ZFPM1: variants seen among roughly 807,000 people sequenced by gnomAD.
ZFPM1 encodes zinc finger protein, FOG family member 1, also known as zinc finger protein ZFPM1.
ZFPM1 carries 28 observed loss-of-function variants against 46.3 expected under a neutral mutation model. The observed-to-expected ratio is 0.60, with a 90% CI of 0.45 to 0.83. ZFPM1 has a LOEUF of 0.83. Ranked by LOEUF, ZFPM1 falls within the 40% of genes least tolerant of loss-of-function variation. The pLI, the probability that ZFPM1 is intolerant of heterozygous loss-of-function variation, is 0.00. For missense variants in ZFPM1, 1,878 were observed against 1,432.4 expected, an observed-to-expected ratio of 1.31 and a Z score of -5.02; for synonymous variants, 957 against 675.9, an observed-to-expected ratio of 1.42 and a Z score of -6.45.
At chr16:88,517,949 G>A (rs900915685) in intron 4 of ZFPM1, among the ~76,000 whole-genome samples, 5 of 152,056 alleles carry the variant, frequency 3.3e-5, no homozygotes, top group African/African-American at 1.2e-4. Context: ...AGTGGCTCAT[G>A]CCTGTAATCC....
chr16:88,532,949 T>G lies in ZFPM1; in HGVS notation c.1189+14T>G. On this transcript the variant is annotated intron_variant, in intron 9 of 9. Transcript: ENST00000319555. ...AGCTGCCCCCAGGTGAGCAGCCCTG[T>G]GGGGGCCACCCCTGCCCCTTAGGCC... 2 of 1,612,560 alleles carry G rather than the reference T, an allele frequency of 1.2e-6. No homozygotes were observed. Among genetic ancestry groups the G allele is most frequent in the Non-Finnish European group, 1.7e-6 (2 of 1,179,844 alleles).
intron 4 of ZFPM1, among the ~76,000 whole-genome samples, chr16:88,524,517 C>T (rs1912161956): frequency 6.6e-6 from 1 of 152,242 alleles, no homozygotes; most frequent in African/African-American, 2.4e-5. Flanking sequence ...GGCAGCCACT[C>T]ACCACAGTGG....
intron 3 of ZFPM1, among the ~76,000 whole-genome samples, chr16:88,501,352 G>A (rs368891762): frequency 1.2e-4 from 14 of 114,346 alleles, no homozygotes; most frequent in African/African-American, 2.1e-4. Flanking sequence ...TCCCGCAGGT[G>A]CTGGTGATGA....
intron 4 of ZFPM1, among the ~76,000 whole-genome samples, chr16:88,524,701 G>A (rs1028083166): frequency 4.6e-5 from 7 of 152,238 alleles, no homozygotes; most frequent in South Asian, 2.1e-4. Context: ...CCAACATACC[G>A]GGAGGAAACT....
chr16:88,462,989 T>A (rs1377335470), intron 1 of ZFPM1, among the ~76,000 whole-genome samples: 1 of 152,216 alleles, frequency 6.6e-6, no homozygotes, highest in Non-Finnish European at 1.5e-5. Context: ...CCCAGGTTGC[T>A]GACGTCCCTC....
chr16:88,470,510 G>A (rs571712882), intron 1 of ZFPM1, among the ~76,000 whole-genome samples: 1 of 151,798 alleles, frequency 6.6e-6, no homozygotes, highest in Non-Finnish European at 1.5e-5. Flanking sequence ...GACACTCAGT[G>A]ACAGGTGAGG....
intron 1 of ZFPM1, among the ~76,000 whole-genome samples, chr16:88,456,953 C>T (rs559021640): frequency 1.7e-4 from 26 of 152,298 alleles, no homozygotes; most frequent in African/African-American, 6.0e-4. Context: ...GTCCCTGAGC[C>T]CCTCCTATTC....
rs115546522 is a variant in ZFPM1 at position 88,471,663 on chromosome 16, C to T, written c.41-14276C>T. Among the ~76,000 whole-genome samples the T allele has an allele frequency of 5.0e-3, 769 of 152,310 alleles. 6 individuals are homozygous for T. The highest frequency in any genetic ancestry group is 0.017 in the African/African-American group (717 of 41,562). On this transcript the variant is annotated intron_variant, in intron 1 of 9. Transcript: ENST00000319555. The surrounding 1 kb of genome is among the most constrained non-coding windows in gnomAD (Gnocchi z 4.1). ...CAGGGCCCCAAGATGACCGTGGCCGCGGTGGCTCCCACACACAGTGGAGGG... is the reference window on the plus strand; with the variant it reads ...CAGGGCCCCAAGATGACCGTGGCCGTGGTGGCTCCCACACACAGTGGAGGG...
chr16:88,519,555 G>A (rs1366128700), intron 4 of ZFPM1, among the ~76,000 whole-genome samples: 1 of 150,736 alleles, frequency 6.6e-6, no homozygotes, highest in African/African-American at 2.5e-5. Context: ...TGAAAGGATG[G>A]ATGGATGGAT....
At chr16:88,496,313 G>C (rs2142391250) in intron 3 of ZFPM1, among the ~76,000 whole-genome samples, 1 of 152,248 alleles carries the variant, frequency 6.6e-6, no homozygotes, top group East Asian at 1.9e-4. Flanking sequence ...TTCCAGGCTG[G>C]AGCCTGGCCT....
At chr16:88,459,714 C>G (rs1397832940) in intron 1 of ZFPM1, among the ~76,000 whole-genome samples, 2 of 87,898 alleles carry the variant, frequency 2.3e-5, no homozygotes, top group Non-Finnish European at 4.8e-5. Context: ...CCCTTCCCCT[C>G]TTCCCCTTCC....
In ZFPM1 at chr16:88,532,894, A is replaced by C; in HGVS notation, c.1148A>C (p.Tyr383Ser). ...VCQPGSKGEI[Y>S]SPGAGHPATK... ...CAGCCTGGCTCCAAGGGTGAGATCTACTCGCCAGGGGCCGGACACCCAGCA... is the reference window on the plus strand; with the variant it reads ...CAGCCTGGCTCCAAGGGTGAGATCTCCTCGCCAGGGGCCGGACACCCAGCA... Residue 383 changes from tyrosine to serine, a missense_variant, in exon 9 of 10, where the codon TAC (tyrosine) becomes TCC (serine). Transcript: ENST00000319555. 2.5e-6 allele frequency: 4 copies of C among 1,613,194 alleles called. No individual in the cohort carries two copies. Among genetic ancestry groups the C allele is most frequent in the Non-Finnish European group, 3.4e-6 (4 of 1,179,940 alleles).
At chr16:88,527,369 C>A in intron 5 of ZFPM1, among the ~76,000 whole-genome samples, 1 of 152,200 alleles carries the variant, frequency 6.6e-6, no homozygotes, top group East Asian at 1.9e-4. Context: ...AGGGGCCTTG[C>A]CGTGCTGCTG....
chr16:88,488,027 C>CG (rs1175751049), intron 2 of ZFPM1, among the ~76,000 whole-genome samples: 1 of 152,222 alleles, frequency 6.6e-6, no homozygotes, highest in Non-Finnish European at 1.5e-5. Context: ...TCTTAACCCT[C>CG]GCGGAGCCTC....
intron 3 of ZFPM1, among the ~76,000 whole-genome samples, chr16:88,500,282 C>T (rs1166639208): frequency 6.6e-6 from 1 of 152,260 alleles, no homozygotes; most frequent in East Asian, 1.9e-4. Flanking sequence ...CCTGGGCCTG[C>T]CGCATGGCCG....
intron 3 of ZFPM1, among the ~76,000 whole-genome samples, chr16:88,510,428 C>CT (rs1910891613): frequency 6.6e-6 from 1 of 152,216 alleles, no homozygotes; most frequent in Non-Finnish European, 1.5e-5. Context: ...AATCGGAGGG[C>CT]TTTAAGACCC....
At chr16:88,453,043 G>C (rs897618022), upstream of ZFPM1, among the ~76,000 whole-genome samples, 1 of 151,422 alleles carries the variant, frequency 6.6e-6, no homozygotes, top group African/African-American at 2.4e-5. Context: ...GGGCCGCAGC[G>C]CTGGGGTCGG....
chr16:88,463,942 A>C (rs962457051), intron 1 of ZFPM1, among the ~76,000 whole-genome samples: 3 of 152,248 alleles, frequency 2.0e-5, no homozygotes, highest in Non-Finnish European at 2.9e-5. Context: ...AGCCACGGCT[A>C]GACCTGGCAC....
At position 88,469,847 on chromosome 16, in the gene ZFPM1, C is replaced by T. The variant is rs914614926; in HGVS notation, c.41-16092C>T. Among the ~76,000 whole-genome samples, 1 of 152,110 alleles carries T rather than the reference C, an allele frequency of 6.6e-6. No individual in the cohort carries two copies. Among genetic ancestry groups the T allele is most frequent in the Non-Finnish European group, 1.5e-5 (1 of 68,012 alleles). On this transcript the variant is annotated intron_variant, in intron 1 of 9. Coordinates refer to ENST00000319555, the MANE Select transcript of ZFPM1 (RefSeq NM_153813.3). The surrounding 1 kb of genome is among the most constrained non-coding windows in gnomAD (Gnocchi z 4.3). ...CCAGACATCACCTTGGCCAGGGCCCCACCCCCTAACGTGGGGTGCAGTGCC... is the reference window on the plus strand; with the variant it reads ...CCAGACATCACCTTGGCCAGGGCCCTACCCCCTAACGTGGGGTGCAGTGCC...
Sources: gnomAD v4.1 joint callset for allele counts (sites outside exome capture counted in the v4.1 genomes callset) on GRCh38, gnomAD v4.1.1 for gene constraint, Gnocchi (gnomAD v3.1) non-coding constraint, MANE v1.5 for transcripts, NCBI Gene and HGNC (gene_info 2026-07-23, HGNC 2026-07-21) for gene names.